Variants in EYA3 observed in about 807,000 individuals in gnomAD.
EYA3 encodes EYA transcriptional coactivator and phosphatase 3, also known as protein phosphatase EYA3.
In EYA3, 39 loss-of-function variants were observed where a neutral mutation model predicts 80.0. That is an observed-to-expected ratio of 0.49 (90% CI 0.38 to 0.64). The LOEUF (loss-of-function observed/expected upper bound fraction) is 0.64. EYA3 is among the 30% of genes least tolerant of loss of function. The probability of loss-of-function intolerance (pLI) is 0.00; values close to 1 mark genes in which losing one functional copy is unlikely to be tolerated. For synonymous variants in EYA3, 206 were observed against 232.8 expected, an observed-to-expected ratio of 0.88 and a Z score of 1.05; for missense variants, 523 against 676.1, an observed-to-expected ratio of 0.77 and a Z score of 2.51.
chr1:28,025,861 A>C (rs909725428), intron 7 of EYA3, among the ~76,000 whole-genome samples: 1 of 152,178 alleles, frequency 6.6e-6, no homozygotes, highest in South Asian at 2.1e-4. Flanking sequence ...CACAGGTTCA[A>C]GCGATTCTCA....
chr1:28,059,715 A>ATTTTTTTTTTTTTTTTTTTTTTTTTTTT (rs1224157714), intron 1 of EYA3, among the ~76,000 whole-genome samples: 1 of 113,616 alleles, frequency 8.8e-6, no homozygotes, highest in African/African-American at 3.3e-5. Flanking sequence ...CATTTGTTGG[A>ATTTTTTTTTTTTTTTTTTTTTTTTTTTT]TTTTTTTTTT....
intron 1 of EYA3, among the ~76,000 whole-genome samples, chr1:28,082,114 A>G (rs899840057): frequency 6.6e-6 from 1 of 152,174 alleles, no homozygotes; most frequent in African/African-American, 2.4e-5. Context: ...GACAAAAGCT[A>G]CTATAAAAAA....
intron 11 of EYA3, among the ~76,000 whole-genome samples, chr1:28,001,524 G>A (rs1640842570): frequency 6.9e-6 from 1 of 144,390 alleles, no homozygotes. Context: ...CAAGGCAGGT[G>A]GATCATGAGG....
intron 1 of EYA3, among the ~76,000 whole-genome samples, chr1:28,066,006 CAA>C (rs1034812456): frequency 8.0e-6 from 1 of 124,952 alleles, no homozygotes; most frequent in African/African-American, 3.0e-5. Flanking sequence ...AACTCTGTCT[CAA>C]AAAAAAAAAA....
At chr1:27,978,342 C>T (rs1639079920) in intron 17 of EYA3, 32 bp downstream of exon 17, 2 of 1,507,710 alleles carry the variant, frequency 1.3e-6, no homozygotes, top group South Asian at 2.3e-5. Context: ...CGATGTACAA[C>T]CACATAGACT....
At chr1:27,991,438 G>A (rs941818838) in intron 14 of EYA3, among the ~76,000 whole-genome samples, 2 of 152,116 alleles carry the variant, frequency 1.3e-5, no homozygotes, top group Non-Finnish European at 2.9e-5. Flanking sequence ...AAGCACAAAA[G>A]AGAGCTCATA....
chr1:28,078,157 T>C (rs1477855574), intron 1 of EYA3, among the ~76,000 whole-genome samples: 2 of 152,326 alleles, frequency 1.3e-5, no homozygotes, highest in African/African-American at 4.8e-5. Flanking sequence ...TGAATGAAAG[T>C]CAATTCACTA....
rs188800489 is a variant in EYA3 at position 28,019,993 on chromosome 1, C to T, written c.500-2754G>A. Among the ~76,000 whole-genome samples, 101 of 152,174 alleles carry T rather than the reference C, an allele frequency of 6.6e-4. No individual in the cohort carries two copies. The Middle Eastern group carries it at 0.034, about 51-fold the overall frequency. On this transcript the variant is annotated intron_variant, in intron 7 of 17. Transcript: ENST00000373871. ...CTGGGATTACAGGCATGAGCCACCA[C>T]GCCCGGCTACTTCTCCATAACTTAA...
intron 9 of EYA3, among the ~76,000 whole-genome samples, chr1:28,011,328 A>G (rs1238363789): frequency 6.6e-6 from 1 of 152,236 alleles, no homozygotes; most frequent in Non-Finnish European, 1.5e-5. Context: ...GAAAATATCA[A>G]TGAAGTTGTT....
At chr1:27,985,235 TCCC>T (rs1639571926) in intron 16 of EYA3, among the ~76,000 whole-genome samples, 1 of 144,802 alleles carries the variant, frequency 6.9e-6, no homozygotes, top group Non-Finnish European at 1.5e-5. Flanking sequence ...GCACCACCAC[TCCC>T]AGCTAATTAA....
intron 2 of EYA3, among the ~76,000 whole-genome samples, chr1:28,051,459 A>C (rs953716404): frequency 6.6e-6 from 1 of 152,136 alleles, no homozygotes; most frequent in African/African-American, 2.4e-5. Context: ...AGGCCAAGGC[A>C]GGTGGATCAC....
chr1:28,058,949 C>CA (rs1644523137), intron 1 of EYA3, among the ~76,000 whole-genome samples: 3 of 152,160 alleles, frequency 2.0e-5, no homozygotes, highest in Non-Finnish European at 4.4e-5. Context: ...GCACTTCTCC[C>CA]AAAAGATGTG....
At chr1:28,073,104 T>TATATATACATATAC (rs1491129189) in intron 1 of EYA3, among the ~76,000 whole-genome samples, 6 of 33,028 alleles carry the variant, frequency 1.8e-4, no homozygotes, top group African/African-American at 2.1e-4. Context: ...ATGAAACTAT[T>TATATATACATATAC]ATATATATAT....
intron 3 of EYA3, among the ~76,000 whole-genome samples, 179 bp from the exon 4 acceptor site, chr1:28,042,829 C>T (rs925007668): frequency 3.3e-5 from 5 of 151,954 alleles, no homozygotes; most frequent in East Asian, 1.9e-4. Context: ...AGGGCTAGTA[C>T]CCTCAGCATT....
At chr1:28,035,758 C>T in intron 5 of EYA3, 78 bp from the exon 6 acceptor site, 1 of 1,350,980 alleles carries the variant, frequency 7.4e-7, no homozygotes, top group Non-Finnish European at 1.0e-6. Context: ...GCTACCACCA[C>T]TAACAGCAAA....
chr1:28,021,689 T>C (rs1488322031), intron 7 of EYA3, among the ~76,000 whole-genome samples: 1 of 151,956 alleles, frequency 6.6e-6, no homozygotes, highest in African/African-American at 2.4e-5. Flanking sequence ...CTGCAACCTC[T>C]GCCTCCCTGG....
intron 2 of EYA3, among the ~76,000 whole-genome samples, chr1:28,050,993 A>C (rs1473809710): frequency 6.6e-6 from 1 of 152,222 alleles, no homozygotes; most frequent in Non-Finnish European, 1.5e-5. Context: ...CAGCAAAGTG[A>C]GCAAAGATTC....
At chr1:28,032,298 G>A (rs1643196129) in intron 6 of EYA3, 1 of 152,094 alleles carries the variant, frequency 6.6e-6, no homozygotes, top group South Asian at 2.1e-4. Flanking sequence ...TATTTTTTAA[G>A]AAGATGATTT....
In EYA3 at chr1:28,035,429, C is replaced by T. The variant is rs1448845522; in HGVS notation, c.361+115G>A. The T allele has an allele frequency of 6.2e-6, 7 of 1,132,584 alleles. No homozygotes were observed. In the East Asian group the frequency reaches 1.8e-4, roughly 29 times the overall value. The allele number at this position is 1,132,584 out of a possible 1,614,324, so 70.2% of individuals were successfully genotyped here. A position where few individuals can be genotyped will look rare whatever the true frequency, so the allele number is the denominator to read the frequency against. Reference sequence around the variant, plus strand: ...CATCAAACATACTGTTGCAAAGTTGCATACCCAACCACATATGTAACTAAG... The same window carrying T: ...CATCAAACATACTGTTGCAAAGTTGTATACCCAACCACATATGTAACTAAG... On this transcript the variant is annotated intron_variant, in intron 6 of 17. Coordinates refer to ENST00000373871, the MANE Select transcript of EYA3 (RefSeq NM_001990.4).
Sources: allele counts gnomAD v4.1 joint callset (sites outside exome capture counted in the v4.1 genomes callset), GRCh38; gene constraint gnomAD v4.1.1; transcripts MANE v1.5; gene names NCBI Gene and HGNC (gene_info 2026-07-23, HGNC 2026-07-21).